MGST2: variants seen among roughly 807,000 people sequenced by gnomAD.
MGST2 encodes the protein glutathione peroxidase MGST2.
Under a neutral mutation model 16.6 loss-of-function variants are expected in MGST2, and 9 were observed. That is an observed-to-expected ratio of 0.54 (90% CI 0.33 to 0.95). The LOEUF (loss-of-function observed/expected upper bound fraction) is 0.95. Among genes scored for constraint, MGST2 ranks in the 40% least tolerant of loss-of-function variants. The pLI is 0.03. For missense variants in MGST2, 159 were observed against 175.1 expected, an observed-to-expected ratio of 0.91 and a Z score of 0.52; for synonymous variants, 79 against 68.0, an observed-to-expected ratio of 1.16 and a Z score of -0.79.
intron 5 of MGST2, chr4:139,740,162 C>G (rs1729111670): frequency 6.6e-6 from 1 of 152,384 alleles, no homozygotes; most frequent in East Asian, 1.9e-4. Context: ...CCTGGACAAG[C>G]CTGCTCTCTG....
chr4:139,699,768 G>A (rs1370662776), intron 3 of MGST2, among the ~76,000 whole-genome samples: 38 of 152,228 alleles, frequency 2.5e-4, no homozygotes, highest in Non-Finnish European at 7.3e-5. Context: ...GCGAGGCCCA[G>A]AAGCTTATGC....
chr4:139,706,683 T>C (rs1034270132), downstream of MGST2, among the ~76,000 whole-genome samples: 28 of 150,542 alleles, frequency 1.9e-4, no homozygotes, highest in Non-Finnish European at 3.1e-4. Context: ...AACACACACA[T>C]ACACACACAC....
intron 2 of MGST2, among the ~76,000 whole-genome samples, chr4:139,688,099 C>G (rs1287921153): frequency 6.6e-6 from 1 of 152,168 alleles, no homozygotes; most frequent in Non-Finnish European, 1.5e-5. Context: ...TCCTCTGATT[C>G]TACCTTCACT....
intron 5 of MGST2, among the ~76,000 whole-genome samples, chr4:139,728,539 A>G (rs1200910598): frequency 6.6e-6 from 1 of 152,192 alleles, no homozygotes; most frequent in Non-Finnish European, 1.5e-5. Context: ...GGTTTTTCCA[A>G]AATCACATCA....
At chr4:139,747,782 G>T in the MGST2 span, among the ~76,000 whole-genome samples, 2 of 151,494 alleles carry the variant, frequency 1.3e-5, no homozygotes. Flanking sequence ...GGCTGGGCGT[G>T]GTGGCTCATG....
chr4:139,719,085 C>T (rs1728113205), intron 5 of MGST2: 1 of 498,312 alleles, frequency 2.0e-6, no homozygotes. Context: ...GGGTGTCTCC[C>T]TCTCTCGCAG....
intron 1 of MGST2, among the ~76,000 whole-genome samples, chr4:139,675,124 G>A (rs1444909126): frequency 3.3e-5 from 5 of 152,196 alleles, no homozygotes; most frequent in Admixed American, 6.5e-5. Context: ...ATAGGGAACC[G>A]AACGTCTTGT....
the MGST2 span, among the ~76,000 whole-genome samples, chr4:139,747,779 C>G: frequency 6.6e-6 from 1 of 151,878 alleles, no homozygotes; most frequent in Non-Finnish European, 1.5e-5. Flanking sequence ...ATAGGCTGGG[C>G]GTGGTGGCTC....
the MGST2 span, among the ~76,000 whole-genome samples, chr4:139,751,842 T>G: frequency 1.3e-5 from 2 of 152,198 alleles, no homozygotes; most frequent in Non-Finnish European, 2.9e-5. Flanking sequence ...CCGCAAAGTA[T>G]CCATTCTTAT....
chr4:139,720,459 A>G, intron 5 of MGST2: 1 of 800,406 alleles, frequency 1.2e-6, no homozygotes, highest in Non-Finnish European at 1.8e-6. Flanking sequence ...AATCTGTAAC[A>G]AAAATGATTA....
At chr4:139,707,311 T>A (rs1322077116), downstream of MGST2, among the ~76,000 whole-genome samples, 4 of 152,222 alleles carry the variant, frequency 2.6e-5, no homozygotes, top group African/African-American at 9.6e-5. Flanking sequence ...GTTTGGTTTT[T>A]TGTCCTTGTG....
At chr4:139,719,037 G>C in intron 5 of MGST2, 1 of 390,226 alleles carries the variant, frequency 2.6e-6, no homozygotes, top group Middle Eastern at 7.2e-4. Context: ...GCTGGGCAGA[G>C]GGGCTCTGGC....
chr4:139,684,012 G>A (rs963889877), intron 2 of MGST2, among the ~76,000 whole-genome samples: 6 of 134,032 alleles, frequency 4.5e-5, no homozygotes, highest in Admixed American at 8.8e-5. Context: ...TGCAACCTCC[G>A]CCTCCCAGGT....
rs146029063 is a variant in MGST2, at chr4:139,715,926, A to G, written c.*48+11730A>G. Among the ~76,000 whole-genome samples the G allele has an allele frequency of 4.2e-3, 644 of 152,266 alleles. 7 individuals are homozygous for G. The highest frequency in any genetic ancestry group is 0.015 in the African/African-American group (619 of 41,536). On this transcript the variant is annotated intron_variant, in intron 5 of 5. Transcript: ENST00000616265. This position sits in a 1 kb window ranked among gnomAD's most constrained non-coding sequence, Gnocchi z 4.4. ...ATGCAGCCCAGTAGGTTTCAGTCTC[A>G]TTTTACCCAGCTCCTATTTAACATG... is the stretch of plus-strand genomic sequence containing the variant.
the MGST2 span, among the ~76,000 whole-genome samples, chr4:139,752,905 CA>C: frequency 5.1e-4 from 77 of 152,240 alleles, no homozygotes; most frequent in East Asian, 1.9e-3. Flanking sequence ...GAAGAGCTAA[CA>C]GGGGGAAAGA....
rs1257406360 is a variant in MGST2, at chr4:139,665,995, C to T, written c.-25C>T. 2 of 1,613,584 alleles carry T rather than the reference C, an allele frequency of 1.2e-6. No individual in the cohort carries two copies. The highest frequency in any genetic ancestry group is 1.7e-6 in the Non-Finnish European group (2 of 1,179,536). On this transcript the variant is annotated 5_prime_UTR_variant, in exon 1 of 5. Transcript: ENST00000265498. ...GAAGCGCCATTTATCTTCCCGTGCGCTCTACAAATAGTTCCGTGAGAAAGA... is the reference window on the plus strand; with the variant it reads ...GAAGCGCCATTTATCTTCCCGTGCGTTCTACAAATAGTTCCGTGAGAAAGA...
the MGST2 span, among the ~76,000 whole-genome samples, chr4:139,752,900 G>A: frequency 6.6e-6 from 1 of 152,180 alleles, no homozygotes; most frequent in Non-Finnish European, 1.5e-5. Context: ...ACTGGGAAGA[G>A]CTAACAGGGG....
At chr4:139,676,901 G>T (rs1460573679) in intron 1 of MGST2, among the ~76,000 whole-genome samples, 1 of 152,220 alleles carries the variant, frequency 6.6e-6, no homozygotes, top group Non-Finnish European at 1.5e-5. Flanking sequence ...GAATCTCCAT[G>T]AATGCAGCAA....
chr4:139,678,846 C>A (rs990669159), intron 2 of MGST2: 1 of 615,112 alleles, frequency 1.6e-6, no homozygotes, highest in Admixed American at 2.6e-5. Flanking sequence ...ACATCTATTA[C>A]CAATTCAGCA....
Sources: allele counts gnomAD v4.1 joint callset (sites outside exome capture counted in the v4.1 genomes callset), GRCh38; gene constraint gnomAD v4.1.1; non-coding constraint Gnocchi (gnomAD v3.1); transcripts MANE v1.5; gene names NCBI Gene and HGNC (gene_info 2026-07-23, HGNC 2026-07-21).